Variants in ACSS2 observed in about 807,000 individuals in gnomAD.
ACSS2 encodes the protein acyl-CoA synthetase short chain family member 2.
In ACSS2, 58 loss-of-function variants were observed where a neutral mutation model predicts 90.6. The ratio of observed to expected loss-of-function variants is 0.64; its 90% CI spans 0.52 to 0.80. ACSS2 has a LOEUF of 0.80. ACSS2 is among the 30% of genes least tolerant of loss of function. The pLI, the probability that ACSS2 is intolerant of heterozygous loss-of-function variation, is 0.00. For missense variants in ACSS2, 759 were observed against 912.0 expected (o/e 0.83, Z 2.16); for synonymous variants, 300 against 330.9 (o/e 0.91, Z 1.01).
Position 34,899,416 on chromosome 20 carries a change from T to TTCTTTCTTTCTTTC in ACSS2, c.375-13670_375-13669insTTTCTCTTTCTTTC, listed in dbSNP as rs1555882538. On this transcript the variant is annotated intron_variant, in intron 2 of 17. Transcript: ENST00000360596. Reference sequence around the variant, plus strand: ...TTTCTTTCTTTCCTTCTTTCTTTCTTTCTTTCTTTCCTTCCTTCCTTCCTT... The same window carrying TTCTTTCTTTCTTTC: ...TTTCTTTCTTTCCTTCTTTCTTTCTTTCTTTCTTTCTTTCTCTTTCTTTCCTTCCTTCCTTCCTT... Among the ~76,000 whole-genome samples the TTCTTTCTTTCTTTC allele has an allele frequency of 4.9e-3, 572 of 116,426 alleles. 20 individuals are homozygous for TTCTTTCTTTCTTTC. The highest frequency in any genetic ancestry group is 0.02 in the African/African-American group (532 of 26,138). 76.4% of individuals were successfully genotyped at this position (116,426 alleles called of 152,430 possible). A position where few individuals can be genotyped will look rare whatever the true frequency, so the allele number is the denominator to read the frequency against.
At chr20:34,879,828 T>C (rs994013304) in intron 1 of ACSS2, among the ~76,000 whole-genome samples, 3 of 152,354 alleles carry the variant, frequency 2.0e-5, no homozygotes, top group African/African-American at 7.2e-5. Context: ...CCTACTATTA[T>C]CACTTGAAAA....
At chr20:34,924,707 GT>G (rs36019966) in intron 14 of ACSS2, among the ~76,000 whole-genome samples, 87,327 of 149,210 alleles carry the variant, frequency 0.59, 25,786 homozygotes, top group South Asian at 0.74. Flanking sequence ...GTTGTTGTTT[GT>G]TTTTTTTTTG....
intron 4 of ACSS2, 80 bp from the exon 5 acceptor site, chr20:34,913,673 G>A (rs1568990750): frequency 2.8e-6 from 4 of 1,420,184 alleles, no homozygotes; most frequent in South Asian, 2.3e-5. Context: ...GATCCTGAAA[G>A]TTCCATGAGC....
intron 14 of ACSS2, among the ~76,000 whole-genome samples, chr20:34,923,778 C>G (rs112659296): frequency 4.7e-4 from 71 of 152,054 alleles, no homozygotes; most frequent in African/African-American, 1.6e-3. Context: ...AAGTACAGCA[C>G]CAAGCCATTC....
chr20:34,923,380 T>C lies in ACSS2; in HGVS notation c.1606T>C (p.Phe536Leu). ...CACAGTCTATGGGAACCACGAACGC[T>C]TTGAGACAACCTACTTTAAGAAGTT... The part of the protein sequence containing the change: ...MRTVYGNHER[F>L]ETTYFKKFPG... The change falls in exon 14 of 18, where the codon TTT becomes CTT. Residue 536 changes from phenylalanine to leucine, a missense_variant. By Grantham distance (22) the Phe-to-Leu change is conservative. Transcript: ENST00000360596. 1 of 1,614,188 alleles carries C rather than the reference T, an allele frequency of 6.2e-7. No homozygotes were observed. Among genetic ancestry groups the C allele is most frequent in the South Asian group, 1.1e-5 (1 of 91,076 alleles).
chr20:34,919,350 A>C (rs2081142647), intron 7 of ACSS2, 85 bp from the exon 8 acceptor site: 16 of 1,574,090 alleles, frequency 1.0e-5, no homozygotes, highest in Non-Finnish European at 1.4e-5. Context: ...TGCCTGTCCC[A>C]CCTCATTCCC....
At chr20:34,919,877 T>G (rs1163660565) in intron 8 of ACSS2, among the ~76,000 whole-genome samples, 1 of 151,982 alleles carries the variant, frequency 6.6e-6, no homozygotes, top group Non-Finnish European at 1.5e-5. Context: ...AGGCCAAGGG[T>G]GGGCACAGAG....
Position 34,923,439 on chromosome 20 carries a change from T to G in ACSS2, c.1657+8T>G, listed in dbSNP as rs1390949992. 2.5e-6 allele frequency: 4 copies of G among 1,603,016 alleles called. No individual in the cohort carries two copies. Among genetic ancestry groups the G allele is most frequent in the Middle Eastern group, 3.3e-4 (2 of 6,050 alleles). Reference sequence around the variant, plus strand: ...ACTATGTTACAGGAGATGGTGAGCCTTAGCTATCCCCCTCTTGCACCTCCC... The same window carrying G: ...ACTATGTTACAGGAGATGGTGAGCCGTAGCTATCCCCCTCTTGCACCTCCC... On this transcript the variant is annotated splice_region_variant and intron_variant, in intron 14 of 17. Coordinates refer to ENST00000360596, the MANE Select transcript of ACSS2 (RefSeq NM_018677.4).
chr20:34,906,923 G>A (rs376445656), intron 2 of ACSS2, among the ~76,000 whole-genome samples: 3 of 144,238 alleles, frequency 2.1e-5, no homozygotes, highest in East Asian at 4.2e-4. Flanking sequence ...GGCGGAGGTT[G>A]CAGTGAGCCG....
chr20:34,926,260 A>G lies in ACSS2; in HGVS notation c.1882A>G (p.Thr628Ala). ...TGGCCACACCTTCAGCCCCAAGCTCACCGAGGAGCTCAAGAAGCAGAGTAA... is the reference window on the plus strand; with the variant it reads ...TGGCCACACCTTCAGCCCCAAGCTCGCCGAGGAGCTCAAGAAGCAGAGTAA... ...CDGHTFSPKL[T>A]EELKKQIREK... The change falls in exon 16 of 18, where the codon ACC becomes GCC. Residue 628 changes from threonine (T) to alanine (A), a missense_variant. Physicochemically the swap from Thr to Ala is moderately conservative, Grantham distance 58. Coordinates refer to ENST00000360596, the MANE Select transcript of ACSS2 (RefSeq NM_018677.4). 6.2e-7 allele frequency: 1 copy of G among 1,614,132 alleles called. No individual in the cohort carries two copies.
At chr20:34,897,852 A>G (rs1187168118) in intron 2 of ACSS2, among the ~76,000 whole-genome samples, 1 of 152,100 alleles carries the variant, frequency 6.6e-6, no homozygotes. Context: ...CATCCATGTT[A>G]TACCATATAT....
At chr20:34,915,667 T>C (rs1427257686) in intron 7 of ACSS2, among the ~76,000 whole-genome samples, 5 of 152,140 alleles carry the variant, frequency 3.3e-5, no homozygotes, top group Non-Finnish European at 7.3e-5. Flanking sequence ...GTATTATTAA[T>C]ACAAAGGAAA....
At chr20:34,910,144 C>T (rs961594941) in intron 2 of ACSS2, among the ~76,000 whole-genome samples, 2 of 151,954 alleles carry the variant, frequency 1.3e-5, no homozygotes, top group Admixed American at 6.6e-5. Flanking sequence ...GCTTCAGCCT[C>T]CTGTAAAATT....
intron 2 of ACSS2, among the ~76,000 whole-genome samples, chr20:34,896,769 C>T (rs990303099): frequency 2.6e-5 from 4 of 152,172 alleles, no homozygotes; most frequent in Non-Finnish European, 4.4e-5. Context: ...ACAGGCTGGG[C>T]GTGGTGGCTC....
intron 2 of ACSS2, among the ~76,000 whole-genome samples, chr20:34,893,945 A>G (rs2080400200): frequency 6.6e-6 from 1 of 152,158 alleles, no homozygotes; most frequent in African/African-American, 2.4e-5. Context: ...TCACCCTGGA[A>G]TACTTTACAC....
intron 2 of ACSS2, among the ~76,000 whole-genome samples, chr20:34,892,217 G>T (rs946909850): frequency 1.3e-5 from 2 of 152,184 alleles, no homozygotes; most frequent in Non-Finnish European, 2.9e-5. Flanking sequence ...GATACTAGGT[G>T]GTCAGATGGG....
intron 2 of ACSS2, among the ~76,000 whole-genome samples, chr20:34,892,243 C>T (rs2080352244): frequency 6.6e-6 from 1 of 152,128 alleles, no homozygotes. Context: ...GGGTTCTTGC[C>T]TTATGGCAGC....
Position 34,914,331 on chromosome 20 carries a change from C to T in ACSS2, c.728C>T (p.Pro243Leu), listed in dbSNP as rs1167920499. The T allele has an allele frequency of 6.2e-7, 1 of 1,613,058 alleles. No individual in the cohort carries two copies. The highest frequency in any genetic ancestry group is 1.7e-5 in the Admixed American group (1 of 59,878). ...ALQKCQEKGFPVRCCIVVKHL... is the reference protein window; with the variant it reads ...ALQKCQEKGFLVRCCIVVKHL... ...GCTTTTCTCTTCTCCAGGGGTTTCC[C>T]AGTAAGATGCTGCATTGTGGTCAAG... Residue 243 changes from proline (P) to leucine (L), a missense_variant, in exon 7 of 18, where the codon CCA becomes CTA. Coordinates refer to ENST00000360596, the MANE Select transcript of ACSS2 (RefSeq NM_018677.4).
chr20:34,902,320 TTAACAA>T (rs1416280386), intron 2 of ACSS2, among the ~76,000 whole-genome samples: 11 of 152,094 alleles, frequency 7.2e-5, no homozygotes, highest in Non-Finnish European at 1.5e-4. Context: ...ATTAATAATA[TTAACAA>T]TAACAATAAG....
Sources: gnomAD v4.1 joint callset for allele counts (sites outside exome capture counted in the v4.1 genomes callset) on GRCh38, gnomAD v4.1.1 for gene constraint, MANE v1.5 for transcripts, NCBI Gene and HGNC (gene_info 2026-07-23, HGNC 2026-07-21) for gene names.